Variants in RYR2 observed in about 807,000 individuals in gnomAD.
The protein encoded by RYR2 is ryanodine receptor 2, also known as cardiac muscle ryanodine receptor-calcium release channel.
In RYR2, 227 loss-of-function variants were observed where a neutral mutation model predicts 601.1. The ratio of observed to expected loss-of-function variants is 0.38; its 90% CI spans 0.34 to 0.42. RYR2 has a LOEUF of 0.42. RYR2 is among the 10% of genes least tolerant of loss of function. The probability of loss-of-function intolerance (pLI) is 1.00; values close to 1 mark genes in which losing one functional copy is unlikely to be tolerated. For missense variants in RYR2, 4,646 were observed against 6,156.5 expected (o/e 0.75, Z 8.21); for synonymous variants, 2,223 against 2,175.1 (o/e 1.02, Z -0.61).
At chr1:237,568,530 A>G (rs906686159) in intron 28 of RYR2, among the ~76,000 whole-genome samples, 27 of 152,320 alleles carry the variant, frequency 1.8e-4, no homozygotes, top group African/African-American at 5.8e-4. Flanking sequence ...TCTATATTCA[A>G]TTTTTGGCTT....
intron 1 of RYR2, among the ~76,000 whole-genome samples, chr1:237,154,675 A>C (rs1301179414): frequency 1.3e-5 from 2 of 152,202 alleles, no homozygotes; most frequent in African/African-American, 4.8e-5. Context: ...TAAACTAAAG[A>C]ATTCAATAAT....
intron 12 of RYR2, among the ~76,000 whole-genome samples, chr1:237,436,453 C>CATTTTTTTTTTTTTTTTTTTT (rs1491092540): frequency 7.2e-5 from 4 of 55,828 alleles, no homozygotes; most frequent in African/African-American, 1.1e-4. Context: ...GTGTGATTTT[C>CATTTTTTTTTTTTTTTTTTTT]CTTTTTTTTT....
At chr1:237,237,180 C>T (rs1253564636) in intron 1 of RYR2, among the ~76,000 whole-genome samples, 2 of 152,144 alleles carry the variant, frequency 1.3e-5, no homozygotes, top group Non-Finnish European at 2.9e-5. Context: ...TCAATTAAAC[C>T]TCTTACCTTT....
intron 24 of RYR2, among the ~76,000 whole-genome samples, chr1:237,516,057 C>T (rs1381224832): frequency 2.0e-5 from 3 of 151,498 alleles, no homozygotes. Context: ...TCCTCCTCCT[C>T]CTCTTCTTTT....
chr1:237,650,392 C>T (rs1682607124), intron 50 of RYR2, among the ~76,000 whole-genome samples: 1 of 152,064 alleles, frequency 6.6e-6, no homozygotes, highest in African/African-American at 2.4e-5. Flanking sequence ...GTTGGGAGTC[C>T]TTGGCCACTT....
intron 56 of RYR2, among the ~76,000 whole-genome samples, chr1:237,661,857 T>C (rs1246213631): frequency 6.6e-6 from 1 of 152,148 alleles, no homozygotes; most frequent in Non-Finnish European, 1.5e-5. Flanking sequence ...ACAGCCTTGA[T>C]GTGGAAAAGC....
intron 2 of RYR2, among the ~76,000 whole-genome samples, chr1:237,311,689 G>C (rs1328485308): frequency 6.6e-6 from 1 of 151,890 alleles, no homozygotes; most frequent in Non-Finnish European, 1.5e-5. Flanking sequence ...ATGTTGCCCA[G>C]TCTAGTCTGG....
At chr1:237,826,879 A>T (rs1663149193) in intron 101 of RYR2, among the ~76,000 whole-genome samples, 1 of 152,180 alleles carries the variant, frequency 6.6e-6, no homozygotes, top group African/African-American at 2.4e-5. Context: ...ACAGCTAAAC[A>T]GGGCTGGAAT....
chr1:237,463,785 A>G (rs1195530743), intron 16 of RYR2, among the ~76,000 whole-genome samples: 1 of 152,206 alleles, frequency 6.6e-6, no homozygotes, highest in African/African-American at 2.4e-5. Flanking sequence ...TTGACGCACC[A>G]TACCAAGTTG....
Position 237,756,376 on chromosome 1 carries a change from G to A in RYR2, c.11234G>A (p.Ser3745Asn). 6.2e-7 allele frequency: 1 copy of A among 1,610,876 alleles called. No homozygotes were observed. The highest frequency in any genetic ancestry group is 8.5e-7 in the Non-Finnish European group (1 of 1,177,734). ...GAAEMVLQTI[S>N]ASKGETGPMV... Reference sequence around the variant, plus strand: ...GCTGAGATGGTGCTACAGACAATCAGTGCCAGCAAAGGTAAGGTTCCTTGA... The same window carrying A: ...GCTGAGATGGTGCTACAGACAATCAATGCCAGCAAAGGTAAGGTTCCTTGA... Residue 3745 changes from serine to asparagine, a missense_variant, in exon 81 of 105, where the codon AGT becomes AAT. Physicochemically the swap from Ser to Asn is conservative, Grantham distance 46. This residue lies in a region of RYR2 where 1,497 missense variants were observed against 1,842.6 expected (regional missense o/e 0.81). Coordinates refer to ENST00000366574, the MANE Select transcript of RYR2 (RefSeq NM_001035.3).
intron 69 of RYR2, 40 bp from the exon 70 acceptor site, chr1:237,709,439 AG>A: frequency 8.1e-7 from 1 of 1,229,212 alleles, no homozygotes; most frequent in Non-Finnish European, 1.2e-6. Flanking sequence ...ATTAACTTTA[AG>A]GAGTAGCTGA....
chr1:237,437,574 G>A (rs550760541), intron 12 of RYR2, among the ~76,000 whole-genome samples: 1 of 152,120 alleles, frequency 6.6e-6, no homozygotes, highest in Non-Finnish European at 1.5e-5. Flanking sequence ...GATTCCTGCT[G>A]TCAAAAAGGT....
chr1:237,437,332 G>A (rs1187413029), intron 12 of RYR2, among the ~76,000 whole-genome samples: 7 of 152,120 alleles, frequency 4.6e-5, no homozygotes, highest in African/African-American at 1.7e-4. Context: ...GATTACAGGC[G>A]TGAGCCACCG....
At chr1:237,634,780 A>AC in intron 43 of RYR2, 109 bp from the exon 44 acceptor site, 1 of 760,304 alleles carries the variant, frequency 1.3e-6, no homozygotes, top group East Asian at 2.7e-5. Context: ...AGATTAATAC[A>AC]CTATGGATGG....
At chr1:237,776,087 C>T (rs894915079) in intron 87 of RYR2, among the ~76,000 whole-genome samples, 2 of 152,138 alleles carry the variant, frequency 1.3e-5, no homozygotes, top group Non-Finnish European at 2.9e-5. Context: ...AAAATTATTT[C>T]TGACTTGAAG....
intron 70 of RYR2, among the ~76,000 whole-genome samples, chr1:237,709,945 A>G (rs1358351180): frequency 1.3e-5 from 2 of 152,196 alleles, no homozygotes; most frequent in Non-Finnish European, 2.9e-5. Context: ...TTACTTGTAA[A>G]GGTACTGCTT....
chr1:237,669,833 C>T (rs1186425068), intron 58 of RYR2, among the ~76,000 whole-genome samples: 1 of 151,730 alleles, frequency 6.6e-6, no homozygotes, highest in Non-Finnish European at 1.5e-5. Context: ...GGGCTCCTCA[C>T]ATCCCAGATG....
chr1:237,832,408 C>T (rs895717743), intron 104 of RYR2, 144 bp from the exon 105 acceptor site: 3 of 477,496 alleles, frequency 6.3e-6, no homozygotes, highest in South Asian at 4.1e-5. Context: ...ACGTTAAGGT[C>T]TGGTATAGTT....
rs373203548 is a variant in RYR2, at chr1:237,315,718, CAAG to C, written c.169-15156_169-15154del. Among the ~76,000 whole-genome samples the C allele has an allele frequency of 4.9e-3, 740 of 152,194 alleles. 6 individuals are homozygous for C. The highest frequency in any genetic ancestry group is 0.016 in the African/African-American group (660 of 41,520). On this transcript the variant is annotated intron_variant, in intron 2 of 104. Transcript: ENST00000366574. ...TGTAATACAAGGCAGTTTGAGTCAT[CAAG>C]AAGTGTTTCATGGATGAGTCCATAT...
Sources: allele counts gnomAD v4.1 joint callset (sites outside exome capture counted in the v4.1 genomes callset), GRCh38; gene constraint gnomAD v4.1.1; regional missense constraint gnomAD v4.1.1; transcripts MANE v1.5; gene names NCBI Gene and HGNC (gene_info 2026-07-23, HGNC 2026-07-21).